PIEZO2: variants seen among roughly 807,000 people sequenced by gnomAD.
PIEZO2 encodes the protein piezo type mechanosensitive ion channel component 2.
Under a neutral mutation model 337.3 loss-of-function variants are expected in PIEZO2, and 172 were observed. The ratio of observed to expected loss-of-function variants is 0.51; its 90% CI spans 0.45 to 0.58. PIEZO2 has a LOEUF of 0.58. Among genes scored for constraint, PIEZO2 ranks in the 20% least tolerant of loss-of-function variants. The pLI, the probability that PIEZO2 is intolerant of heterozygous loss-of-function variation, is 0.00. For synonymous variants in PIEZO2, 1,251 were observed against 1,228.5 expected (o/e 1.02, Z -0.38); for missense variants, 3,028 against 3,391.3 (o/e 0.89, Z 2.66).
chr18:11,015,491 T>A (rs1364435068), intron 2 of PIEZO2, among the ~76,000 whole-genome samples: 1 of 152,246 alleles, frequency 6.6e-6, no homozygotes, highest in Non-Finnish European at 1.5e-5. Flanking sequence ...AAAGTCCTTT[T>A]TGCCCTATAA....
At chr18:10,839,615 G>T (rs2041129309) in intron 7 of PIEZO2, among the ~76,000 whole-genome samples, 1 of 152,206 alleles carries the variant, frequency 6.6e-6, no homozygotes, top group African/African-American at 2.4e-5. Context: ...GTCTGGCTTG[G>T]CAGTAAAGCA....
At chr18:10,994,140 A>G (rs1016835207) in intron 2 of PIEZO2, among the ~76,000 whole-genome samples, 2 of 152,194 alleles carry the variant, frequency 1.3e-5, no homozygotes, top group Admixed American at 6.5e-5. Flanking sequence ...TTCATTTACA[A>G]TAGTAGTCTC....
At position 10,855,243 on chromosome 18, in the gene PIEZO2, G is replaced by A; in HGVS notation, c.917+110C>T. ...CCCCACAAAATCTTTGCTTAACACA[G>A]CAATTGCCTGCCATCAAGAATAACC... On this transcript the variant is annotated intron_variant, in intron 7 of 55. Coordinates refer to ENST00000674853, the MANE Select transcript of PIEZO2 (RefSeq NM_001378183.1). This position sits in a 1 kb window ranked among gnomAD's most constrained non-coding sequence, Gnocchi z 4.9. The A allele has an allele frequency of 1.1e-6, 1 of 951,382 alleles. No individual in the cohort carries two copies. The highest frequency in any genetic ancestry group is 1.6e-6 in the Non-Finnish European group (1 of 636,538). The allele number at this position is 951,382 out of a possible 1,614,324, so 58.9% of individuals were successfully genotyped here. A position where few individuals can be genotyped will look rare whatever the true frequency, so the allele number is the denominator to read the frequency against.
At chr18:10,699,218 AGGTGGAACCCTT>A (rs1441300013) in intron 43 of PIEZO2, 41 bp from the exon 44 acceptor site, 2 of 1,534,572 alleles carry the variant, frequency 1.3e-6, no homozygotes, top group African/African-American at 2.7e-5. Flanking sequence ...CTACTGTTTC[AGGTGGAACCCTT>A]GGTATTCTGT....
At chr18:11,034,221 C>T (rs1487948230) in intron 2 of PIEZO2, among the ~76,000 whole-genome samples, 2 of 152,020 alleles carry the variant, frequency 1.3e-5, no homozygotes, top group Admixed American at 1.3e-4. Context: ...ACAGAAGCAA[C>T]GTTATTTTCT....
intron 2 of PIEZO2, among the ~76,000 whole-genome samples, chr18:11,054,433 C>T (rs1167903294): frequency 6.6e-6 from 1 of 152,196 alleles, no homozygotes; most frequent in Admixed American, 6.5e-5. Flanking sequence ...TAGTTTCATA[C>T]GTTCGTCTAA....
chr18:10,843,202 A>C (rs1000783704), intron 7 of PIEZO2, among the ~76,000 whole-genome samples: 4 of 152,186 alleles, frequency 2.6e-5, no homozygotes, highest in Admixed American at 6.5e-5. Flanking sequence ...TGAGGATCTT[A>C]ACTCTTAACA....
chr18:11,060,665 G>C (rs2037915285), intron 2 of PIEZO2, among the ~76,000 whole-genome samples: 1 of 152,126 alleles, frequency 6.6e-6, no homozygotes, highest in Admixed American at 6.5e-5. Context: ...AGAAGAAAAG[G>C]ATAAATTCCT....
chr18:11,103,826 C>A (rs572256488), intron 1 of PIEZO2, among the ~76,000 whole-genome samples: 2 of 149,402 alleles, frequency 1.3e-5, no homozygotes, highest in Admixed American at 1.3e-4. Flanking sequence ...TGCGTGTGTG[C>A]GTGTGTGTGT....
At chr18:10,792,778 T>C (rs182757850) in intron 13 of PIEZO2, among the ~76,000 whole-genome samples, 36 of 152,350 alleles carry the variant, frequency 2.4e-4, no homozygotes, top group African/African-American at 7.9e-4. Context: ...TCAATCCTCC[T>C]GGGTAAATGA....
At chr18:10,947,704 G>A (rs902779891) in intron 3 of PIEZO2, among the ~76,000 whole-genome samples, 1 of 152,122 alleles carries the variant, frequency 6.6e-6, no homozygotes, top group East Asian at 1.9e-4. Flanking sequence ...AAGCAGATAG[G>A]ATAGTTTATA....
chr18:11,002,011 T>C lies in PIEZO2; in HGVS notation c.161-22351A>G, dbSNP rs953045834. 6.6e-6 allele frequency among the ~76,000 whole-genome samples: 1 copy of C among 152,112 alleles called. No homozygotes were observed. Among genetic ancestry groups the C allele is most frequent in the Non-Finnish European group, 1.5e-5 (1 of 68,004 alleles). On this transcript the variant is annotated intron_variant, in intron 2 of 55. Transcript: ENST00000674853. This position sits in a 1 kb window ranked among gnomAD's most constrained non-coding sequence, Gnocchi z 4.3. ...AGTTGGAAATTCTAGATCTTCTACCTGTAAGGGCCAGAGAGTAGATATTTT... is the reference window on the plus strand; with the variant it reads ...AGTTGGAAATTCTAGATCTTCTACCCGTAAGGGCCAGAGAGTAGATATTTT...
rs1213546106 is a variant in PIEZO2 at position 10,815,193 on chromosome 18, T to G, written c.918-7919A>C. 6.6e-6 allele frequency among the ~76,000 whole-genome samples: 1 copy of G among 152,186 alleles called. No individual in the cohort carries two copies. Among genetic ancestry groups the G allele is most frequent in the East Asian group, 1.9e-4 (1 of 5,194 alleles). On this transcript the variant is annotated intron_variant, in intron 7 of 55. Coordinates refer to ENST00000674853, the MANE Select transcript of PIEZO2 (RefSeq NM_001378183.1). The surrounding 1 kb of genome is among the most constrained non-coding windows in gnomAD (Gnocchi z 4.1). ...TTTAAAGGTTAAAAACAATGAAAATTCAAGTGGCACATATTCTACTTAGTA... is the reference window on the plus strand; with the variant it reads ...TTTAAAGGTTAAAAACAATGAAAATGCAAGTGGCACATATTCTACTTAGTA...
At chr18:10,731,640 G>A (rs984913669) in intron 35 of PIEZO2, 119 bp from the exon 36 acceptor site, 11 of 529,422 alleles carry the variant, frequency 2.1e-5, no homozygotes, top group African/African-American at 1.8e-4. Context: ...TAAACATCCC[G>A]GGCTATTTTT....
intron 11 of PIEZO2, among the ~76,000 whole-genome samples, chr18:10,798,120 C>T (rs541271745): frequency 2.6e-4 from 39 of 152,212 alleles, no homozygotes; most frequent in Non-Finnish European, 5.1e-4. Flanking sequence ...GATTCTCCCC[C>T]TCTCCGACAA....
chr18:10,779,320 C>T (rs960093398), intron 18 of PIEZO2, among the ~76,000 whole-genome samples: 1 of 152,228 alleles, frequency 6.6e-6, no homozygotes, highest in Non-Finnish European at 1.5e-5. Flanking sequence ...AGATATATTT[C>T]TCTTACTAAA....
chr18:10,752,658 A>T lies in PIEZO2; in HGVS notation c.4145T>A (p.Ile1382Asn). The change falls in exon 28 of 56, where the codon ATT (isoleucine) becomes AAT (asparagine). Residue 1382 changes from isoleucine (I) to asparagine (N), a missense_variant. Around this residue, in one of 5 missense-constraint regions of PIEZO2, gnomAD observed 1,925 missense variants for 2,051.9 expected, o/e 0.94. Transcript: ENST00000674853. Reference sequence around the variant, plus strand: ...TACTGACAGGATATTTTTCATCGTAATCACAAAAACGTTGTATGCGATCAG... The same window carrying T: ...TACTGACAGGATATTTTTCATCGTATTCACAAAAACGTTGTATGCGATCAG... ...DWLIAYNVFV[I>N]TMKNILSIGA... The T allele has an allele frequency of 6.5e-7, 1 of 1,537,246 alleles. No individual in the cohort carries two copies. Among genetic ancestry groups the T allele is most frequent in the Non-Finnish European group, 8.7e-7 (1 of 1,146,904 alleles).
chr18:10,734,886 T>G (rs1033831009), intron 35 of PIEZO2, among the ~76,000 whole-genome samples: 5 of 152,206 alleles, frequency 3.3e-5, no homozygotes, highest in Non-Finnish European at 5.9e-5. Flanking sequence ...TCACCCTTTT[T>G]ACTCATCAGA....
Position 10,950,242 on chromosome 18 carries a change from G to A in PIEZO2, c.286+29293C>T, listed in dbSNP as rs542360062. Among the ~76,000 whole-genome samples the A allele has an allele frequency of 2.0e-5, 3 of 152,236 alleles. No homozygotes were observed. In the East Asian group the frequency reaches 5.8e-4, roughly 29 times the overall value. ...ATTAGTATGCTCTATGTAACGAGAC[G>A]GGGGAAAGTCAATAGATAATCACCA... On this transcript the variant is annotated intron_variant, in intron 3 of 55. Coordinates refer to ENST00000674853, the MANE Select transcript of PIEZO2 (RefSeq NM_001378183.1).
Sources: allele counts gnomAD v4.1 joint callset (sites outside exome capture counted in the v4.1 genomes callset), GRCh38; gene constraint gnomAD v4.1.1; regional missense constraint gnomAD v4.1.1; non-coding constraint Gnocchi (gnomAD v3.1); transcripts MANE v1.5; gene names NCBI Gene and HGNC (gene_info 2026-07-23, HGNC 2026-07-21).